ADAM12: variants seen among roughly 807,000 people sequenced by gnomAD.
ADAM12 encodes disintegrin and metalloproteinase domain-containing protein 12.
Under a neutral mutation model 106.4 loss-of-function variants are expected in ADAM12, and 70 were observed. The observed-to-expected ratio is 0.66, with a 90% CI of 0.54 to 0.80. ADAM12 has a LOEUF of 0.80. Ranked by LOEUF, ADAM12 falls within the 30% of genes least tolerant of loss-of-function variation. The pLI is 0.00. For synonymous variants in ADAM12, 420 were observed against 433.5 expected (o/e 0.97, Z 0.39); for missense variants, 1,010 against 1,171.9 (o/e 0.86, Z 2.02).
At chr10:126,205,421 A>G (rs961822901) in intron 3 of ADAM12, among the ~76,000 whole-genome samples, 4 of 152,210 alleles carry the variant, frequency 2.6e-5, no homozygotes, top group African/African-American at 9.6e-5. Flanking sequence ...TACACTTTAT[A>G]TAAGATGGCA....
At chr10:126,347,932 A>G (rs1206366610) in intron 1 of ADAM12, among the ~76,000 whole-genome samples, 4 of 152,180 alleles carry the variant, frequency 2.6e-5, no homozygotes, top group South Asian at 4.1e-4. Context: ...TGGGGTACCA[A>G]TGGTACAGGC....
At chr10:126,024,822 A>C (rs750000407) in intron 21 of ADAM12, among the ~76,000 whole-genome samples, 3 of 150,570 alleles carry the variant, frequency 2.0e-5, no homozygotes, top group Non-Finnish European at 4.4e-5. Context: ...AATGGGATTG[A>C]TTCAGGAAAC....
intron 3 of ADAM12, among the ~76,000 whole-genome samples, chr10:126,215,056 G>GGTC (rs1179035844): frequency 6.6e-6 from 1 of 152,162 alleles, no homozygotes; most frequent in East Asian, 1.9e-4. Flanking sequence ...TGGCTTTGGA[G>GGTC]GTCCTCTAGC....
chr10:126,171,612 G>A (rs534742405), intron 3 of ADAM12, among the ~76,000 whole-genome samples: 17 of 152,276 alleles, frequency 1.1e-4, no homozygotes, highest in Admixed American at 5.9e-4. Context: ...GGTGTCTTGC[G>A]TATGGGACAA....
chr10:126,267,190 G>A (rs921637628), intron 3 of ADAM12, among the ~76,000 whole-genome samples: 1 of 152,142 alleles, frequency 6.6e-6, no homozygotes, highest in African/African-American at 2.4e-5. Context: ...GGGTTTTGCT[G>A]TTGAATCACA....
chr10:126,279,050 A>G, intron 2 of ADAM12, 62 bp from the exon 3 acceptor site: 2 of 1,285,374 alleles, frequency 1.6e-6, no homozygotes, highest in Non-Finnish European at 2.2e-6. Context: ...AAATAGCTGA[A>G]TAAGACCCAC....
Position 126,159,305 on chromosome 10 carries a change from A to G in ADAM12, c.261-4000T>C, listed in dbSNP as rs1239776859. On this transcript the variant is annotated intron_variant, in intron 3 of 22. Coordinates refer to ENST00000448723, the MANE Select transcript of ADAM12 (RefSeq NM_001288973.2). Reference sequence around the variant, plus strand: ...AGCCTGGGCAACAGAGCGAGACTCCATCAAAAAAAAAAAAAAAAAAAAAAA... The same window carrying G: ...AGCCTGGGCAACAGAGCGAGACTCCGTCAAAAAAAAAAAAAAAAAAAAAAA... 7.1e-4 allele frequency among the ~76,000 whole-genome samples: 71 copies of G among 99,734 alleles called. No homozygotes were observed. In the South Asian group the frequency reaches 0.01, roughly 14 times the overall value. 65.4% of individuals were successfully genotyped at this position (99,734 alleles called of 152,430 possible).
chr10:126,047,383 T>C (rs1365704968), intron 16 of ADAM12, among the ~76,000 whole-genome samples: 2 of 152,140 alleles, frequency 1.3e-5, no homozygotes, highest in Non-Finnish European at 2.9e-5. Context: ...GATGGTCACA[T>C]TCCAGCTGAT....
chr10:126,310,944 G>A (rs2133815806), intron 2 of ADAM12, among the ~76,000 whole-genome samples: 1 of 152,268 alleles, frequency 6.6e-6, no homozygotes, highest in South Asian at 2.1e-4. Context: ...GAGCAGGAAA[G>A]AAGTCCCTGC....
intron 3 of ADAM12, among the ~76,000 whole-genome samples, chr10:126,215,324 G>A (rs2133843326): frequency 6.6e-6 from 1 of 152,296 alleles, no homozygotes; most frequent in African/African-American, 2.4e-5. Flanking sequence ...ACAATCCCAT[G>A]GTGCCTTCCT....
rs940199917 is a variant in ADAM12 at position 126,046,271 on chromosome 10, G to C, written c.1918-139C>G. On this transcript the variant is annotated intron_variant, in intron 16 of 22. Coordinates refer to ENST00000448723, the MANE Select transcript of ADAM12 (RefSeq NM_001288973.2). ...AACCTTGTCTCAGTTAATACGGATG[G>C]AGCATAACAATACATTTTATACTGG... 2.2e-5 allele frequency: 16 copies of C among 727,616 alleles called. No individual in the cohort carries two copies. In the African/African-American group the frequency reaches 2.8e-4, roughly 13 times the overall value. The allele number at this position is 727,616 out of a possible 1,614,324, so 45.1% of individuals were successfully genotyped here.
In ADAM12 at chr10:126,087,709, A is replaced by G. The variant is rs116406956; in HGVS notation, c.1145+6276T>C. 1.4e-3 allele frequency among the ~76,000 whole-genome samples: 217 copies of G among 152,316 alleles called. 2 individuals carry two copies. Among genetic ancestry groups the G allele is most frequent in the African/African-American group, 4.9e-3 (204 of 41,586 alleles). On this transcript the variant is annotated intron_variant, in intron 11 of 22. Coordinates refer to ENST00000448723, the MANE Select transcript of ADAM12 (RefSeq NM_001288973.2). The stretch of plus-strand genomic sequence containing the variant: ...CAAAGTTCGAGGGAGAATTCTAACG[A>G]TATGTATTGTCCACTGATTTTCAGG...
At chr10:126,136,910 G>A (rs1418143165) in intron 4 of ADAM12, among the ~76,000 whole-genome samples, 4 of 152,156 alleles carry the variant, frequency 2.6e-5, no homozygotes, top group African/African-American at 9.7e-5. Context: ...CATGGGAAAT[G>A]TCTTTTAACT....
chr10:126,118,003 C>A, intron 6 of ADAM12, 35 bp downstream of exon 6: 1 of 1,606,728 alleles, frequency 6.2e-7, no homozygotes. Flanking sequence ...GAGCTCCTAG[C>A]TTTCCAGAAA....
chr10:126,043,971 C>A lies in ADAM12; in HGVS notation c.1996-823G>T, dbSNP rs544243558. On this transcript the variant is annotated intron_variant, in intron 17 of 22. Transcript: ENST00000448723. This position sits in a 1 kb window ranked among gnomAD's most constrained non-coding sequence, Gnocchi z 4.1. ...AGACCAGAGCATTCCATGCAGGGGC[C>A]AGCAGCCCCTGCCCACCTGGTTACC... Among the ~76,000 whole-genome samples, 1 of 152,182 alleles carries A rather than the reference C, an allele frequency of 6.6e-6. No homozygotes were observed. The highest frequency in any genetic ancestry group is 1.5e-5 in the Non-Finnish European group (1 of 68,028).
At position 126,246,006 on chromosome 10, in the gene ADAM12, C is replaced by CTT. The variant is rs1590674528; in HGVS notation, c.260+32908_260+32909insAA. Among the ~76,000 whole-genome samples the CTT allele has an allele frequency of 2.0e-5, 3 of 152,018 alleles. No individual in the cohort carries two copies. In the East Asian group the frequency reaches 5.8e-4, roughly 29 times the overall value. ...AAGACAGAGAAAATAGTTGGATTGA[C>CTT]CTTTTAAAAAATGGTGGAGACATCA... On this transcript the variant is annotated intron_variant, in intron 3 of 22. Transcript: ENST00000448723.
chr10:126,223,448 C>G (rs932711649), intron 3 of ADAM12, among the ~76,000 whole-genome samples: 1 of 152,170 alleles, frequency 6.6e-6, no homozygotes, highest in African/African-American at 2.4e-5. Context: ...ATAACACACA[C>G]AATAAAATGA....
At chr10:126,249,607 G>A (rs1958705132) in intron 3 of ADAM12, among the ~76,000 whole-genome samples, 1 of 152,214 alleles carries the variant, frequency 6.6e-6, no homozygotes, top group Non-Finnish European at 1.5e-5. Flanking sequence ...GGGAGGCTGA[G>A]GCAGGAGAAT....
chr10:126,098,383 A>C (rs1410257301), intron 10 of ADAM12, 33 bp downstream of exon 10: 1 of 1,570,864 alleles, frequency 6.4e-7, no homozygotes, highest in Non-Finnish European at 8.8e-7. Context: ...AATCATTATC[A>C]AGGGGAACCA....
Sources: allele counts gnomAD v4.1 joint callset (sites outside exome capture counted in the v4.1 genomes callset), GRCh38; gene constraint gnomAD v4.1.1; non-coding constraint Gnocchi (gnomAD v3.1); transcripts MANE v1.5; gene names NCBI Gene and HGNC (gene_info 2026-07-23, HGNC 2026-07-21).